STK3: variants seen among roughly 807,000 people sequenced by gnomAD.
STK3 encodes the protein serine/threonine-protein kinase 3.
STK3 carries 41 observed loss-of-function variants against 58.0 expected under a neutral mutation model. That is an observed-to-expected ratio of 0.71 (90% CI 0.55 to 0.92). STK3 has a LOEUF of 0.92. Ranked by LOEUF, STK3 falls within the 40% of genes least tolerant of loss-of-function variation. The pLI, the probability that STK3 is intolerant of heterozygous loss-of-function variation, is 0.00. For missense variants in STK3, 479 were observed against 602.7 expected (o/e 0.79, Z 2.15); for synonymous variants, 170 against 191.0 (o/e 0.89, Z 0.91).
At chr8:98,851,683 G>A (rs771602242) in intron 3 of STK3, among the ~76,000 whole-genome samples, 2 of 152,194 alleles carry the variant, frequency 1.3e-5, no homozygotes, top group Non-Finnish European at 2.9e-5. Context: ...AGGAGGGGTA[G>A]GGCATGGTGG....
chr8:98,504,310 T>C (rs1043076059), intron 10 of STK3, among the ~76,000 whole-genome samples: 13 of 152,344 alleles, frequency 8.5e-5, no homozygotes, highest in Non-Finnish European at 1.5e-4. Flanking sequence ...GTCTCCTGAA[T>C]ACAGCACATT....
At chr8:98,466,566 GTCTCTT>G (rs1227177069) in intron 10 of STK3, among the ~76,000 whole-genome samples, 2 of 152,098 alleles carry the variant, frequency 1.3e-5, no homozygotes, top group Non-Finnish European at 2.9e-5. Context: ...CCTTCTCGCC[GTCTCTT>G]TCTAAGGTCT....
chr8:98,517,119 T>G (rs1276329295), intron 10 of STK3, among the ~76,000 whole-genome samples: 1 of 152,058 alleles, frequency 6.6e-6, no homozygotes, highest in Admixed American at 6.6e-5. Context: ...CAGTAAGGTA[T>G]CTTTTTTCCA....
At chr8:98,879,591 A>G (rs1837718829), downstream of STK3, 1 of 152,216 alleles carries the variant, frequency 6.6e-6, no homozygotes, top group Non-Finnish European at 1.5e-5. Flanking sequence ...TACCTGCCAC[A>G]AAACCTAAAG....
chr8:98,583,893 A>G (rs1814177762), intron 7 of STK3, among the ~76,000 whole-genome samples: 1 of 151,780 alleles, frequency 6.6e-6, no homozygotes, highest in African/African-American at 2.4e-5. Context: ...CAGAGAGAAG[A>G]AAGAGAGAGA....
In STK3 at chr8:98,526,937, T is replaced by C. The variant is rs760669031; in HGVS notation, c.1142-20A>G. 47 of 1,506,802 alleles carry C rather than the reference T, an allele frequency of 3.1e-5. No homozygotes were observed. In the Middle Eastern group the frequency reaches 7.1e-4, roughly 23 times the overall value. 93.3% of individuals were successfully genotyped at this position (1,506,802 alleles called of 1,614,324 possible). On this transcript the variant is annotated intron_variant, in intron 9 of 10. Coordinates refer to ENST00000419617, the MANE Select transcript of STK3 (RefSeq NM_006281.4). ...CATTTCCTTAGGTAAACAAAGAACA[T>C]AAGGAAGGTATAAGTTCTTACATTT...
exon 1 of STK3, chr8:98,942,404 A>G (rs1394787825): frequency 2.6e-5 from 4 of 152,282 alleles, no homozygotes; most frequent in African/African-American, 9.6e-5. Flanking sequence ...AGTCGTGCCC[A>G]GAACGCCGGC....
rs916810824 is a variant in STK3, at chr8:98,580,453, T to C, written c.823-664A>G. 9.2e-5 allele frequency among the ~76,000 whole-genome samples: 14 copies of C among 152,162 alleles called. No homozygotes were observed. The East Asian group carries it at 2.3e-3, about 25-fold the overall frequency. On this transcript the variant is annotated intron_variant, in intron 7 of 10. Transcript: ENST00000419617. ...GAATAGACCTAGGTTTTGAATTTCT[T>C]TTTATTGAGAAGGAGGGACATGAGA...
chr8:98,564,275 T>C (rs1226594233), intron 8 of STK3, among the ~76,000 whole-genome samples: 3 of 152,194 alleles, frequency 2.0e-5, no homozygotes, highest in African/African-American at 7.2e-5. Context: ...TCCGAGAGGC[T>C]GCGACATCAT....
In STK3 at chr8:98,706,625, C is replaced by T; in HGVS notation, c.526G>A (p.Ala176Thr). Residue 176 changes from alanine (A) to threonine (T), a missense_variant, in exon 6 of 11, where the codon GCA (alanine) becomes ACA (threonine). By Grantham distance (58) the Ala-to-Thr change is moderately conservative. Around this residue, in one of 3 missense-constraint regions of STK3, gnomAD observed 126 missense variants for 210.1 expected, o/e 0.60. Coordinates refer to ENST00000419617, the MANE Select transcript of STK3 (RefSeq NM_006281.4). ...GTTCCTATTACAGTATTGCGTTTTGCCATTGTATCCTGCAATAATGTTACA... is the reference window on the plus strand; with the variant it reads ...GTTCCTATTACAGTATTGCGTTTTGTCATTGTATCCTGCAATAATGTTACA... ...GVAGQLTDTM[A>T]KRNTVIGTPF... The T allele has an allele frequency of 1.3e-6, 2 of 1,592,832 alleles. No individual in the cohort carries two copies. The highest frequency in any genetic ancestry group is 1.8e-5 in the Admixed American group (1 of 56,496).
chr8:98,562,810 GT>G (rs1365499427), intron 8 of STK3, among the ~76,000 whole-genome samples: 9 of 149,932 alleles, frequency 6.0e-5, no homozygotes, highest in Non-Finnish European at 1.0e-4. Context: ...TACTTGGGAG[GT>G]TGAGGCAGGA....
chr8:98,362,620 C>G, the STK3 span, among the ~76,000 whole-genome samples: 1 of 152,206 alleles, frequency 6.6e-6, no homozygotes, highest in Non-Finnish European at 1.5e-5. Flanking sequence ...AATGTCCATC[C>G]TTCCCCAGAT....
intron 1 of STK3, among the ~76,000 whole-genome samples, chr8:98,938,139 C>T (rs565606784): frequency 6.8e-4 from 100 of 148,100 alleles, no homozygotes; most frequent in Non-Finnish European, 1.1e-3. Context: ...CACTGACTCA[C>T]TAAAATTAAA....
At chr8:98,485,102 G>A (rs370887193) in intron 10 of STK3, among the ~76,000 whole-genome samples, 26 of 152,026 alleles carry the variant, frequency 1.7e-4, no homozygotes, top group Admixed American at 1.2e-3. Context: ...TTAGCCAGGC[G>A]TGGTGGCACA....
downstream of STK3, chr8:98,881,148 T>C (rs192532367): frequency 2.6e-5 from 4 of 152,360 alleles, no homozygotes; most frequent in African/African-American, 4.8e-5. Flanking sequence ...AATATGTGAA[T>C]GGACAGGCTG....
chr8:98,912,456 A>G (rs1331041755), intron 1 of STK3, among the ~76,000 whole-genome samples: 1 of 152,168 alleles, frequency 6.6e-6, no homozygotes, highest in East Asian at 1.9e-4. Flanking sequence ...ATTGGAGAAC[A>G]TGGTTTTAAA....
chr8:98,685,788 T>C (rs528596495), intron 6 of STK3, among the ~76,000 whole-genome samples: 1 of 150,844 alleles, frequency 6.6e-6, no homozygotes, highest in East Asian at 1.9e-4. Context: ...AAACCAAAGG[T>C]AGAGAGGGGG....
chr8:98,735,694 T>G (rs1828525618), intron 4 of STK3, among the ~76,000 whole-genome samples: 1 of 152,146 alleles, frequency 6.6e-6, no homozygotes, highest in Non-Finnish European at 1.5e-5. Flanking sequence ...TTACCACAAT[T>G]CGTTACCAGC....
intron 6 of STK3, among the ~76,000 whole-genome samples, chr8:98,613,673 A>T (rs1045063110): frequency 5.9e-5 from 9 of 152,114 alleles, no homozygotes; most frequent in African/African-American, 2.2e-4. Flanking sequence ...AAATTAAAAA[A>T]ATGCAAAACT....
Sources: gnomAD v4.1 joint callset for allele counts (sites outside exome capture counted in the v4.1 genomes callset) on GRCh38, gnomAD v4.1.1 for gene constraint, gnomAD v4.1.1 regional missense constraint, MANE v1.5 for transcripts, NCBI Gene and HGNC (gene_info 2026-07-23, HGNC 2026-07-21) for gene names.